Variants in NTRK2 observed in about 807,000 individuals in gnomAD.
The protein encoded by NTRK2 is neurotrophic receptor tyrosine kinase 2, also known as BDNF/NT-3 growth factors receptor.
Under a neutral mutation model 94.5 loss-of-function variants are expected in NTRK2, and 13 were observed. That is an observed-to-expected ratio of 0.14 (90% CI 0.09 to 0.22). NTRK2 has a LOEUF of 0.22. Ranked by LOEUF, NTRK2 falls within the 10% of genes least tolerant of loss-of-function variation. The pLI, the probability that NTRK2 is intolerant of heterozygous loss-of-function variation, is 1.00. For missense variants in NTRK2, 639 were observed against 1,071.2 expected, an observed-to-expected ratio of 0.60 and a Z score of 5.63; for synonymous variants, 372 against 407.4, an observed-to-expected ratio of 0.91 and a Z score of 1.05.
In NTRK2 at chr9:84,787,802, C is replaced by T. The variant is rs575790419; in HGVS notation, c.1396+35717C>T. 3.9e-5 allele frequency among the ~76,000 whole-genome samples: 6 copies of T among 152,124 alleles called. No homozygotes were observed. In the East Asian group the frequency reaches 1.2e-3, roughly 29 times the overall value. ...TTAAATAAGGGACTATCTATAAATCCCTTGGTATGGTGGGCAATATAGTGT... is the reference window on the plus strand; with the variant it reads ...TTAAATAAGGGACTATCTATAAATCTCTTGGTATGGTGGGCAATATAGTGT... On this transcript the variant is annotated intron_variant, in intron 12 of 18. Transcript: ENST00000277120.
intron 2 of NTRK2, among the ~76,000 whole-genome samples, chr9:84,685,474 G>T (rs999893996): frequency 2.0e-5 from 3 of 151,166 alleles, no homozygotes; most frequent in Non-Finnish European, 2.9e-5. Flanking sequence ...TTTAGGAACT[G>T]CTTGCCTAGC....
intron 10 of NTRK2, among the ~76,000 whole-genome samples, chr9:84,742,184 C>T (rs532513158): frequency 6.6e-6 from 1 of 152,184 alleles, no homozygotes; most frequent in Non-Finnish European, 1.5e-5. Context: ...CTGTAACAGA[C>T]ATCGTATTTC....
intron 10 of NTRK2, among the ~76,000 whole-genome samples, chr9:84,742,819 G>A (rs1053741959): frequency 4.5e-5 from 4 of 88,586 alleles, no homozygotes; most frequent in African/African-American, 1.1e-4. Flanking sequence ...TTTTTTTTCC[G>A]AGACGGAGTC....
intron 14 of NTRK2, among the ~76,000 whole-genome samples, chr9:84,896,391 G>A (rs1206406530): frequency 6.6e-6 from 1 of 152,174 alleles, no homozygotes; most frequent in East Asian, 1.9e-4. Flanking sequence ...CATGAGGACA[G>A]CCTGCACATA....
intron 14 of NTRK2, among the ~76,000 whole-genome samples, chr9:84,895,045 A>G (rs1465315261): frequency 6.6e-6 from 1 of 152,208 alleles, no homozygotes; most frequent in Non-Finnish European, 1.5e-5. Flanking sequence ...AGCTTACCAT[A>G]TTCAGGACAA....
intron 12 of NTRK2, among the ~76,000 whole-genome samples, chr9:84,807,861 C>A (rs1588736785): frequency 6.6e-6 from 1 of 152,092 alleles, no homozygotes; most frequent in East Asian, 1.9e-4. Context: ...AGTGAAATAT[C>A]TTTAGTCTGT....
At chr9:84,877,573 CTCAACCAT>C (rs1381034293) in intron 14 of NTRK2, 3 of 1,066,142 alleles carry the variant, frequency 2.8e-6, no homozygotes, top group Non-Finnish European at 3.4e-6. Flanking sequence ...TTGCACTGGT[CTCAACCAT>C]TCAGCCTGCT....
At chr9:85,015,830 C>T (rs540619560) in intron 17 of NTRK2, among the ~76,000 whole-genome samples, 120 of 152,102 alleles carry the variant, frequency 7.9e-4, no homozygotes, top group Middle Eastern at 6.8e-3. Context: ...GTAACTTGGC[C>T]CTGGGTAGGA....
intron 17 of NTRK2, among the ~76,000 whole-genome samples, chr9:84,961,446 C>T (rs984595929): frequency 6.6e-6 from 1 of 152,242 alleles, no homozygotes. Flanking sequence ...CAGAGGAACC[C>T]GTCTGCCAGG....
At chr9:84,857,676 G>T (rs766003708) in intron 12 of NTRK2, among the ~76,000 whole-genome samples, 2 of 152,152 alleles carry the variant, frequency 1.3e-5, no homozygotes, top group Non-Finnish European at 2.9e-5. Flanking sequence ...ATTTTAAACA[G>T]AACTTAGACA....
Position 84,962,658 on chromosome 9 carries a change from C to A in NTRK2, c.2172+7141C>A, listed in dbSNP as rs76645141. On this transcript the variant is annotated intron_variant, in intron 17 of 18. Transcript: ENST00000277120. ...TGGATGGGGCAGAAGGACTCTGATG[C>A]CTCAAGGTCCTAAGAGGTCTCTCCT... Among the ~76,000 whole-genome samples the A allele has an allele frequency of 4.3e-3, 658 of 152,246 alleles. 2 individuals carry two copies. The highest frequency in any genetic ancestry group is 6.8e-3 in the Middle Eastern group (2 of 294).
intron 12 of NTRK2, among the ~76,000 whole-genome samples, chr9:84,799,388 T>C (rs2070101644): frequency 6.6e-6 from 1 of 152,196 alleles, no homozygotes. Flanking sequence ...CCAATGCCAT[T>C]TTTGAATTCT....
chr9:84,700,276 A>G (rs1395418641), intron 2 of NTRK2, among the ~76,000 whole-genome samples: 1 of 152,258 alleles, frequency 6.6e-6, no homozygotes, highest in Non-Finnish European at 1.5e-5. Context: ...TGTGGTCTCT[A>G]TTGAAAATGT....
At chr9:84,977,027 C>T (rs948060727) in intron 17 of NTRK2, among the ~76,000 whole-genome samples, 6 of 152,344 alleles carry the variant, frequency 3.9e-5, no homozygotes, top group Admixed American at 6.5e-5. Flanking sequence ...AAAGTCACTA[C>T]ATTGAATTAG....
rs74803702 is a variant in NTRK2, at chr9:85,010,565, G to A, written c.2173-9641G>A. Among the ~76,000 whole-genome samples, 458 of 152,328 alleles carry A rather than the reference G, an allele frequency of 3.0e-3. 3 individuals are homozygous for A. Among genetic ancestry groups the A allele is most frequent in the African/African-American group, 0.01 (416 of 41,572 alleles). ...AAACACAATAACCTCACACCAGGCAGCGTGGTGTATTAGTACTTTCTGAGG... is the reference window on the plus strand; with the variant it reads ...AAACACAATAACCTCACACCAGGCAACGTGGTGTATTAGTACTTTCTGAGG... On this transcript the variant is annotated intron_variant, in intron 17 of 18. Transcript: ENST00000277120.
intron 17 of NTRK2, among the ~76,000 whole-genome samples, chr9:84,958,281 C>G (rs1323101904): frequency 6.6e-6 from 1 of 151,728 alleles, no homozygotes; most frequent in Admixed American, 6.6e-5. Flanking sequence ...AAAAAAAGAG[C>G]ATGAAAAGGA....
intron 12 of NTRK2, among the ~76,000 whole-genome samples, chr9:84,794,377 C>T (rs1398077791): frequency 3.9e-5 from 6 of 152,116 alleles, no homozygotes; most frequent in Non-Finnish European, 8.8e-5. Flanking sequence ...ATTTTCCTTT[C>T]TGGGAGACAG....
chr9:84,961,149 G>A (rs118134145), intron 17 of NTRK2, among the ~76,000 whole-genome samples: 1 of 152,284 alleles, frequency 6.6e-6, no homozygotes, highest in African/African-American at 2.4e-5. Flanking sequence ...TGTAAACTAT[G>A]TCTAGAACCT....
At chr9:84,733,185 G>T (rs2063013055) in intron 9 of NTRK2, among the ~76,000 whole-genome samples, 1 of 152,198 alleles carries the variant, frequency 6.6e-6, no homozygotes, top group South Asian at 2.1e-4. Context: ...GCCCCTTGGT[G>T]GGGTGGTGTC....
Sources: allele counts gnomAD v4.1 joint callset (sites outside exome capture counted in the v4.1 genomes callset), GRCh38; gene constraint gnomAD v4.1.1; transcripts MANE v1.5; gene names NCBI Gene and HGNC (gene_info 2026-07-23, HGNC 2026-07-21).